The following HOOK3 variants were observed in gnomAD, a reference collection of about 807,000 sequenced individuals.
HOOK3 encodes hook microtubule tethering protein 3.
Under a neutral mutation model 116.3 loss-of-function variants are expected in HOOK3, and 24 were observed. That is an observed-to-expected ratio of 0.21 (90% confidence interval 0.15 to 0.29). The LOEUF (loss-of-function observed/expected upper bound fraction) is 0.29, where lower values mean the gene tolerates loss of function less well. Ranked by LOEUF, HOOK3 falls within the 10% of genes least tolerant of loss-of-function variation. HOOK3 has a pLI of 1.00. For missense variants in HOOK3, 632 were observed against 830.2 expected (o/e 0.76, Z 2.93); for synonymous variants, 275 against 283.0 (o/e 0.97, Z 0.28).
At position 43,020,751 on chromosome 8, in the gene HOOK3, A is replaced by C. The variant is rs1809810066; in HGVS notation, c.*2253A>C. The C allele has an allele frequency of 5.6e-6, 1 of 179,688 alleles. No individual in the cohort carries two copies. Among genetic ancestry groups the C allele is most frequent in the Admixed American group, 6.3e-5 (1 of 15,842 alleles). 11.1% of individuals were successfully genotyped at this position (179,688 alleles called of 1,614,324 possible). On this transcript the variant is annotated 3_prime_UTR_variant, in exon 22 of 22. Transcript: ENST00000307602. ...AATCAATCAATCAAATTGGAATATG[A>C]GCACTAACCTTGGTAAGTTAAAATT...
rs569630880 is a variant in HOOK3 at position 42,947,818 on chromosome 8, C to G, written c.401-2570C>G. Among the ~76,000 whole-genome samples, 3 of 151,870 alleles carry G rather than the reference C, an allele frequency of 2.0e-5. No homozygotes were observed. In the South Asian group the frequency reaches 6.2e-4, roughly 32 times the overall value. ...TGTCTGCAAAATAAGGATGTAAAAG[C>G]TGGTTGTCATGAGGAGTGAATGAAA... On this transcript the variant is annotated intron_variant, in intron 5 of 21. Coordinates refer to ENST00000307602, the MANE Select transcript of HOOK3 (RefSeq NM_032410.4).
chr8:42,954,581 A>G (rs1586608025), intron 6 of HOOK3, among the ~76,000 whole-genome samples: 2 of 152,372 alleles, frequency 1.3e-5, no homozygotes, highest in East Asian at 3.9e-4. Context: ...CCAGAACAAG[A>G]TATAAAGTTG....
intron 2 of HOOK3, among the ~76,000 whole-genome samples, chr8:42,911,756 T>G (rs1461311333): frequency 6.6e-6 from 1 of 152,116 alleles, no homozygotes; most frequent in African/African-American, 2.4e-5. Context: ...GTTTTTAACT[T>G]AAGCAAATAC....
chr8:42,935,508 G>T (rs1478354305), intron 4 of HOOK3, among the ~76,000 whole-genome samples: 2 of 152,066 alleles, frequency 1.3e-5, no homozygotes, highest in African/African-American at 4.8e-5. Flanking sequence ...TTCTTCTAGG[G>T]TTTTTATGGT....
At chr8:42,951,373 A>G (rs182412388) in intron 6 of HOOK3, among the ~76,000 whole-genome samples, 3 of 152,254 alleles carry the variant, frequency 2.0e-5, no homozygotes, top group African/African-American at 4.8e-5. Context: ...AATAATATCT[A>G]TCTTAAACCA....
chr8:42,914,073 G>A (rs1807485434), intron 2 of HOOK3, among the ~76,000 whole-genome samples: 1 of 152,078 alleles, frequency 6.6e-6, no homozygotes, highest in South Asian at 2.1e-4. Context: ...CTCAAGTGGT[G>A]GCTGTTGTTT....
At chr8:42,964,223 C>A in intron 8 of HOOK3, 88 bp from the exon 9 acceptor site, 1 of 1,329,334 alleles carries the variant, frequency 7.5e-7, no homozygotes, top group Non-Finnish European at 1.1e-6. Context: ...TATATATAGG[C>A]TTTAATTTGT....
intron 21 of HOOK3, among the ~76,000 whole-genome samples, chr8:43,017,481 G>A (rs1346480257): frequency 6.6e-6 from 1 of 151,990 alleles, no homozygotes; most frequent in East Asian, 1.9e-4. Flanking sequence ...GCTAAGGCTG[G>A]TCTTGAGCTT....
At chr8:42,919,936 A>G (rs1195752057) in intron 2 of HOOK3, among the ~76,000 whole-genome samples, 1 of 151,488 alleles carries the variant, frequency 6.6e-6, no homozygotes, top group African/African-American at 2.4e-5. Flanking sequence ...ACCATACAAA[A>G]AGGGGAGAGG....
At chr8:42,940,124 A>G (rs1458489592) in intron 4 of HOOK3, among the ~76,000 whole-genome samples, 1 of 152,260 alleles carries the variant, frequency 6.6e-6, no homozygotes, top group East Asian at 1.9e-4. Flanking sequence ...TGGGAGGCCA[A>G]GGCAGGCCGC....
At position 42,910,619 on chromosome 8, in the gene HOOK3, A is replaced by G. The variant is rs192209160; in HGVS notation, c.143+4361A>G. ...TACTCTTGTGTTTGTCTTAAAGTCA[A>G]CATAATGTCTGTGAGATTTATCCAT... On this transcript the variant is annotated intron_variant, in intron 2 of 21. Transcript: ENST00000307602. 1.6e-3 allele frequency among the ~76,000 whole-genome samples: 245 copies of G among 152,344 alleles called. 2 individuals carry two copies. Among genetic ancestry groups the G allele is most frequent in the Admixed American group, 0.013 (206 of 15,304 alleles).
intron 2 of HOOK3, among the ~76,000 whole-genome samples, chr8:42,914,752 C>T (rs1426469426): frequency 1.3e-5 from 2 of 152,220 alleles, no homozygotes; most frequent in African/African-American, 4.8e-5. Flanking sequence ...TTTCTTGCAT[C>T]ATCATTTGCC....
intron 13 of HOOK3, among the ~76,000 whole-genome samples, chr8:42,979,053 C>T (rs1808883267): frequency 6.6e-6 from 1 of 152,064 alleles, no homozygotes; most frequent in Admixed American, 6.6e-5. Flanking sequence ...AGTCCAGGAG[C>T]TTGAGTTTAG....
chr8:42,974,070 C>T (rs775116605), intron 12 of HOOK3, 37 bp from the exon 13 acceptor site: 20 of 1,454,152 alleles, frequency 1.4e-5, no homozygotes, highest in Middle Eastern at 1.7e-4. Context: ...ATTCTTAAAA[C>T]GTGAAGCTAA....
rs1053750956 is a variant in HOOK3 at position 43,028,354 on chromosome 8, C to T, written c.*9856C>T. The T allele has an allele frequency of 1.6e-5, 3 of 182,102 alleles. No individual in the cohort carries two copies. The highest frequency in any genetic ancestry group is 7.1e-5 in the African/African-American group (3 of 42,310). 11.3% of individuals were successfully genotyped at this position (182,102 alleles called of 1,614,324 possible). ...CTGGGTGGCAAAGCAAGACCCCTGTCTCTAAAAAAAAATAATATAAATTGA... is the reference window on the plus strand; with the variant it reads ...CTGGGTGGCAAAGCAAGACCCCTGTTTCTAAAAAAAAATAATATAAATTGA... On this transcript the variant is annotated 3_prime_UTR_variant, in exon 22 of 22. Transcript: ENST00000307602.
intron 14 of HOOK3, among the ~76,000 whole-genome samples, chr8:42,985,094 C>G (rs1030078212): frequency 6.6e-6 from 1 of 152,018 alleles, no homozygotes; most frequent in Non-Finnish European, 1.5e-5. Flanking sequence ...AGAGTGTGGA[C>G]AAATTGGAGA....
intron 1 of HOOK3, among the ~76,000 whole-genome samples, chr8:42,904,913 A>G: frequency 6.6e-6 from 1 of 152,062 alleles, no homozygotes; most frequent in African/African-American, 2.4e-5. Context: ...TCCTAGTTGT[A>G]AGTTCTATGA....
At chr8:42,979,835 TTA>T (rs1198287062) in intron 13 of HOOK3, among the ~76,000 whole-genome samples, 1 of 152,202 alleles carries the variant, frequency 6.6e-6, no homozygotes, top group Non-Finnish European at 1.5e-5. Context: ...AAGGAAATTA[TTA>T]TATATCTTTC....
rs1357046394 is a variant in HOOK3, at chr8:43,028,074, C to A, written c.*9576C>A. The A allele has an allele frequency of 1.6e-5, 3 of 190,490 alleles. No individual in the cohort carries two copies. The highest frequency in any genetic ancestry group is 3.3e-5 in the Non-Finnish European group (3 of 90,932). The allele number at this position is 190,490 out of a possible 1,614,324, so 11.8% of individuals were successfully genotyped here. Reference sequence around the variant, plus strand: ...CAAAACCCCATTCCTTTAAGCTAGTCTTCAGTATATATTTTTCTAAGAACA... The same window carrying A: ...CAAAACCCCATTCCTTTAAGCTAGTATTCAGTATATATTTTTCTAAGAACA... On this transcript the variant is annotated 3_prime_UTR_variant, in exon 22 of 22. Coordinates refer to ENST00000307602, the MANE Select transcript of HOOK3 (RefSeq NM_032410.4).
Sources: allele counts gnomAD v4.1 joint callset (sites outside exome capture counted in the v4.1 genomes callset), GRCh38; gene constraint gnomAD v4.1.1; transcripts MANE v1.5; gene names NCBI Gene and HGNC (gene_info 2026-07-23, HGNC 2026-07-21).